Variants in DHX15 observed in about 807,000 individuals in gnomAD.
DHX15 encodes ATP-dependent RNA helicase DHX15.
Under a neutral mutation model 94.4 loss-of-function variants are expected in DHX15, and 11 were observed. That is an observed-to-expected ratio of 0.12 (90% CI 0.07 to 0.19). The LOEUF (loss-of-function observed/expected upper bound fraction) is 0.19, where lower values mean the gene tolerates loss of function less well. Ranked by LOEUF, DHX15 falls within the 10% of genes least tolerant of loss-of-function variation. DHX15 has a pLI of 1.00. For missense variants in DHX15, 304 were observed against 988.5 expected, an observed-to-expected ratio of 0.31 and a Z score of 9.29; for synonymous variants, 338 against 329.9, an observed-to-expected ratio of 1.02 and a Z score of -0.27.
chr4:24,570,136 T>C lies in DHX15; in HGVS notation c.701+518A>G, dbSNP rs560833616. ...ATACAGTAGTCAATTATCTGCACCA[T>C]AGCTATAGAGGAACAAGGACCTAGA... On this transcript the variant is annotated intron_variant, in intron 3 of 13. Transcript: ENST00000336812. Among the ~76,000 whole-genome samples, 6 of 152,304 alleles carry C rather than the reference T, an allele frequency of 3.9e-5. No individual in the cohort carries two copies. The East Asian group carries it at 5.8e-4, about 15-fold the overall frequency.
chr4:24,545,273 C>T (rs1721400007), intron 6 of DHX15, among the ~76,000 whole-genome samples: 1 of 152,176 alleles, frequency 6.6e-6, no homozygotes, highest in Non-Finnish European at 1.5e-5. Context: ...TCTTCTATAA[C>T]ATAATACAAT....
At chr4:24,543,077 C>T (rs1157913853) in intron 6 of DHX15, 51 bp from the exon 7 acceptor site, 1 of 1,338,384 alleles carries the variant, frequency 7.5e-7, no homozygotes, top group African/African-American at 1.5e-5. Context: ...ATAAAATTAA[C>T]AGGACTGTTA....
intron 6 of DHX15, among the ~76,000 whole-genome samples, chr4:24,544,620 T>C (rs1721385167): frequency 1.3e-5 from 2 of 152,182 alleles, no homozygotes; most frequent in Non-Finnish European, 1.5e-5. Flanking sequence ...TTCTAGAAAG[T>C]CAGTTTCTTG....
intron 1 of DHX15, among the ~76,000 whole-genome samples, chr4:24,583,823 T>C (rs1722537388): frequency 6.6e-6 from 1 of 151,566 alleles, no homozygotes; most frequent in South Asian, 2.1e-4. Flanking sequence ...CGCGCTGCTC[T>C]CACTTTCCGC....
intron 4 of DHX15, among the ~76,000 whole-genome samples, chr4:24,555,198 T>C (rs1215163760): frequency 6.6e-6 from 1 of 151,942 alleles, no homozygotes; most frequent in African/African-American, 2.4e-5. Flanking sequence ...AATCAGATTT[T>C]ATAAAATTAT....
intron 6 of DHX15, among the ~76,000 whole-genome samples, chr4:24,546,594 AAT>A (rs1306210891): frequency 6.6e-6 from 1 of 152,232 alleles, no homozygotes; most frequent in African/African-American, 2.4e-5. Context: ...CCCTCATATA[AAT>A]ATATGTTGCA....
chr4:24,547,078 T>A (rs575882184), intron 6 of DHX15, among the ~76,000 whole-genome samples: 1 of 152,204 alleles, frequency 6.6e-6, no homozygotes, highest in Non-Finnish European at 1.5e-5. Flanking sequence ...ATGAAAATGA[T>A]GCAGCAACTG....
chr4:24,584,481 AC>A lies in DHX15; in HGVS notation c.-89del, dbSNP rs1393948145. The A allele has an allele frequency of 7.9e-7, 1 of 1,260,200 alleles. No homozygotes were observed. Among genetic ancestry groups the A allele is most frequent in the Non-Finnish European group, 1.1e-6 (1 of 905,672 alleles). The allele number at this position is 1,260,200 out of a possible 1,614,324, so 78.1% of individuals were successfully genotyped here. ...GAGGACAGCCACTTAACTCTGGAGGACCCCCACCCCTCCCGCTACTACAGCC... is the reference window on the plus strand; with the variant it reads ...GAGGACAGCCACTTAACTCTGGAGGACCCCACCCCTCCCGCTACTACAGCC... On this transcript the variant is annotated 5_prime_UTR_variant, in exon 1 of 14. Transcript: ENST00000336812.
At chr4:24,543,269 C>T (rs1045720452) in intron 6 of DHX15, among the ~76,000 whole-genome samples, 3 of 152,144 alleles carry the variant, frequency 2.0e-5, no homozygotes, top group African/African-American at 7.2e-5. Flanking sequence ...CAGGTTATCA[C>T]TCAACCGCAT....
In DHX15 at chr4:24,584,345, T is replaced by G; in HGVS notation, c.49A>C (p.Lys17Gln). The change falls in exon 1 of 14, where the codon AAG becomes CAG. Residue 17 changes from lysine to glutamine, a missense_variant. Lys to Gln is a moderately conservative substitution (Grantham distance 53). Transcript: ENST00000336812. ...LDLGEDYPSGKKRAGTDGKDR... is the reference protein window; with the variant it reads ...LDLGEDYPSGQKRAGTDGKDR... The stretch of plus-strand genomic sequence containing the variant: ...TACCCATCGGTCCCCGCACGCTTCT[T>G]GCCAGAGGGGTAATCCTCCCCTAGG... 1 of 1,613,136 alleles carries G rather than the reference T, an allele frequency of 6.2e-7. No homozygotes were observed. Among genetic ancestry groups the G allele is most frequent in the Non-Finnish European group, 8.5e-7 (1 of 1,179,636 alleles).
Position 24,540,877 on chromosome 4 carries a change from A to G in DHX15, c.1557T>C (p.Ile519=). ...SVVLQLKKLG[I]DDLVHFDFMD... is the part of the protein sequence containing the mutation. ...TAAAATCAAAATGTACCAAGTCATC[A>G]ATACCAAGTTTCTTCAATTGTAACA... Residue 519 remains isoleucine (I), a synonymous_variant, in exon 9 of 14, where the codon ATT becomes ATC. Coordinates refer to ENST00000336812, the MANE Select transcript of DHX15 (RefSeq NM_001358.3). 1 of 1,608,862 alleles carries G rather than the reference A, an allele frequency of 6.2e-7. No homozygotes were observed. The highest frequency in any genetic ancestry group is 8.5e-7 in the Non-Finnish European group (1 of 1,176,232).
chr4:24,547,716 C>A (rs1721454553), intron 6 of DHX15, among the ~76,000 whole-genome samples: 1 of 150,972 alleles, frequency 6.6e-6, no homozygotes, highest in African/African-American at 2.4e-5. Flanking sequence ...TTTGGGAGGC[C>A]CAGGAGGGGG....
intron 12 of DHX15, 60 bp downstream of exon 12, chr4:24,532,802 CTG>C: frequency 1.6e-6 from 2 of 1,287,992 alleles, no homozygotes; most frequent in Non-Finnish European, 2.1e-6. Context: ...ATTCAAAGGA[CTG>C]TTAATAGAAA....
At chr4:24,576,979 T>C (rs1414065933) in intron 1 of DHX15, among the ~76,000 whole-genome samples, 3 of 152,138 alleles carry the variant, frequency 2.0e-5, no homozygotes, top group Admixed American at 6.5e-5. Context: ...AGAAATCAGA[T>C]ACTGAGGGTA....
At chr4:24,561,357 TG>T (rs981532275) in intron 3 of DHX15, among the ~76,000 whole-genome samples, 5 of 152,202 alleles carry the variant, frequency 3.3e-5, no homozygotes, top group African/African-American at 1.2e-4. Context: ...TATCCACTGC[TG>T]GTGGGATTGT....
chr4:24,543,129 C>A, intron 6 of DHX15, 103 bp from the exon 7 acceptor site: 1 of 715,000 alleles, frequency 1.4e-6, no homozygotes, highest in Non-Finnish European at 2.3e-6. Flanking sequence ...GAATTTCAAG[C>A]CAGCAAATAA....
chr4:24,544,699 A>G (rs1721386255), intron 6 of DHX15, among the ~76,000 whole-genome samples: 1 of 152,222 alleles, frequency 6.6e-6, no homozygotes. Context: ...GGCTAAAGTA[A>G]CTGGAAAGGT....
In DHX15 at chr4:24,569,930, G is replaced by A. The variant is rs374707251; in HGVS notation, c.701+724C>T. Among the ~76,000 whole-genome samples, 4 of 152,322 alleles carry A rather than the reference G, an allele frequency of 2.6e-5. No individual in the cohort carries two copies. In the South Asian group the frequency reaches 8.3e-4, roughly 32 times the overall value. ...GGAATAAACAGGCATATGCCACTGA[G>A]CCCCACTCAAACAAGTCACATTTAA... is the stretch of plus-strand genomic sequence containing the variant. On this transcript the variant is annotated intron_variant, in intron 3 of 13. Transcript: ENST00000336812.
chr4:24,540,625 C>T (rs55844180), intron 9 of DHX15, among the ~76,000 whole-genome samples: 11,127 of 143,976 alleles, frequency 0.077, 435 homozygotes, highest in African/African-American at 0.1. Context: ...TTACCCAAAC[C>T]CCCCCATAAT....
Sources: gnomAD v4.1 joint callset for allele counts (sites outside exome capture counted in the v4.1 genomes callset) on GRCh38, gnomAD v4.1.1 for gene constraint, MANE v1.5 for transcripts, NCBI Gene and HGNC (gene_info 2026-07-23, HGNC 2026-07-21) for gene names.